Variants in DRD2 observed in about 807,000 individuals in gnomAD.
DRD2 encodes dopamine receptor D2, also known as D(2) dopamine receptor.
Under a neutral mutation model 38.0 loss-of-function variants are expected in DRD2, and 8 were observed. That is an observed-to-expected ratio of 0.21 (90% CI 0.12 to 0.38). The LOEUF is 0.38. Among genes scored for constraint, DRD2 ranks in the 10% least tolerant of loss-of-function variants. The pLI, the probability that DRD2 is intolerant of heterozygous loss-of-function variation, is 1.00. For missense variants in DRD2, 403 were observed against 607.7 expected (o/e 0.66, Z 3.54); for synonymous variants, 230 against 238.6 (o/e 0.96, Z 0.33).
intron 1 of DRD2, among the ~76,000 whole-genome samples, chr11:113,441,638 A>G (rs892896239): frequency 2.6e-5 from 4 of 152,192 alleles, no homozygotes; most frequent in Non-Finnish European, 5.9e-5. Context: ...CCGATTGAAG[A>G]AAGCAGAGGA....
intron 1 of DRD2, among the ~76,000 whole-genome samples, chr11:113,451,813 C>T (rs965360361): frequency 6.6e-6 from 1 of 152,162 alleles, no homozygotes; most frequent in Admixed American, 6.5e-5. Flanking sequence ...TGCTAGTTGT[C>T]TCATTCATGA....
intron 1 of DRD2, among the ~76,000 whole-genome samples, chr11:113,429,843 A>G (rs961248052): frequency 9.9e-5 from 15 of 152,226 alleles, no homozygotes; most frequent in Non-Finnish European, 1.8e-4. Context: ...GGCTTTCCTG[A>G]GCCCAGTTTT....
In DRD2 at chr11:113,424,351, C is replaced by A. The variant is rs1565664228; in HGVS notation, c.285+16G>T. Reference sequence around the variant, plus strand: ...CTGCTGGAGAAAGTGCTGGAGCAAGCAGGGGGCCCACCTACCTCCAGGTAG... The same window carrying A: ...CTGCTGGAGAAAGTGCTGGAGCAAGAAGGGGGCCCACCTACCTCCAGGTAG... On this transcript the variant is annotated intron_variant, in intron 2 of 7. Coordinates refer to ENST00000362072, the MANE Select transcript of DRD2 (RefSeq NM_000795.4). 9 of 1,613,442 alleles carry A rather than the reference C, an allele frequency of 5.6e-6. No homozygotes were observed. The highest frequency in any genetic ancestry group is 6.8e-6 in the Non-Finnish European group (8 of 1,179,744).
At position 113,410,369 on chromosome 11, in the gene DRD2, G is replaced by C. The variant is rs1002217166; in HGVS notation, c.*358C>G. On this transcript the variant is annotated 3_prime_UTR_variant, in exon 8 of 8. Transcript: ENST00000362072. ...CCACAAAGAGAAAACTCAGCCTCTG[G>C]GCCCTGACTCAGGCTCCAGCAACCC... 2.2e-6 allele frequency: 1 copy of C among 450,918 alleles called. No individual in the cohort carries two copies. The highest frequency in any genetic ancestry group is 3.4e-5 in the Admixed American group (1 of 29,152). 27.9% of individuals were successfully genotyped at this position (450,918 alleles called of 1,614,324 possible). A position where few individuals can be genotyped will look rare whatever the true frequency, so the allele number is the denominator to read the frequency against.
At chr11:113,426,422 C>T (rs773374183) in intron 1 of DRD2, among the ~76,000 whole-genome samples, 1 of 152,182 alleles carries the variant, frequency 6.6e-6, no homozygotes, top group Non-Finnish European at 1.5e-5. Context: ...AAAAGTCTTC[C>T]TCTTTTACAG....
intron 5 of DRD2, 62 bp downstream of exon 5, chr11:113,415,359 T>C: frequency 6.5e-7 from 1 of 1,542,152 alleles, no homozygotes; most frequent in Non-Finnish European, 8.8e-7. Flanking sequence ...GAGCATAAGA[T>C]GAGCCCTCTT....
intron 1 of DRD2, among the ~76,000 whole-genome samples, chr11:113,467,556 G>GA (rs1159065814): frequency 6.6e-6 from 1 of 152,106 alleles, no homozygotes; most frequent in South Asian, 2.1e-4. Context: ...TCTGGGAAAA[G>GA]AAAAAAAGTC....
rs1191486771 is a variant in DRD2, at chr11:113,475,143, A to C, written c.-99T>G. 6.6e-6 allele frequency: 1 copy of C among 151,074 alleles called. No homozygotes were observed. Among genetic ancestry groups the C allele is most frequent in the Non-Finnish European group, 1.5e-5 (1 of 67,428 alleles). The allele number at this position is 151,074 out of a possible 1,614,324, so 9.4% of individuals were successfully genotyped here. On this transcript the variant is annotated 5_prime_UTR_variant, in exon 1 of 8. The change abolishes an upstream ATG in the 5' untranslated region. Transcript: ENST00000362072. ...GCTTGAGGCTTCCAGCTCCCGCCGC[A>C]TCCACGCGCGGCCGCCCCTCCGGCA...
intron 1 of DRD2, among the ~76,000 whole-genome samples, chr11:113,458,198 C>T (rs1839254850): frequency 6.6e-6 from 1 of 152,240 alleles, no homozygotes. Flanking sequence ...TATATAAACA[C>T]ACACATCCCT....
intron 5 of DRD2, among the ~76,000 whole-genome samples, chr11:113,414,897 T>C (rs1423590782): frequency 6.6e-6 from 1 of 152,198 alleles, no homozygotes; most frequent in African/African-American, 2.4e-5. Context: ...CTCTTGTTCC[T>C]TCTGTGCCCA....
intron 1 of DRD2, among the ~76,000 whole-genome samples, chr11:113,426,223 G>A (rs1472881810): frequency 6.6e-6 from 1 of 152,034 alleles, no homozygotes; most frequent in Non-Finnish European, 1.5e-5. Flanking sequence ...GAGATAAGGA[G>A]TTGAGGGTAA....
chr11:113,469,450 A>C (rs1034346560), intron 1 of DRD2, among the ~76,000 whole-genome samples: 1 of 152,074 alleles, frequency 6.6e-6, no homozygotes, highest in Non-Finnish European at 1.5e-5. Flanking sequence ...TCTTTATGCC[A>C]CTTACGTATC....
At chr11:113,414,221 G>T (rs1950798984) in intron 6 of DRD2, 154 bp downstream of exon 6, 3 of 777,352 alleles carry the variant, frequency 3.9e-6, no homozygotes, top group Non-Finnish European at 4.7e-6. Context: ...CCTGCTTGGA[G>T]GTGTGCACGG....
intron 1 of DRD2, among the ~76,000 whole-genome samples, chr11:113,442,942 T>C (rs1482371753): frequency 6.6e-6 from 1 of 152,160 alleles, no homozygotes; most frequent in Admixed American, 6.5e-5. Flanking sequence ...GGAAGGCTGG[T>C]TCTGTCCCCC....
At chr11:113,464,020 G>A (rs996660367) in intron 1 of DRD2, among the ~76,000 whole-genome samples, 6 of 152,162 alleles carry the variant, frequency 3.9e-5, no homozygotes, top group African/African-American at 1.4e-4. Flanking sequence ...TGGGTGCAGA[G>A]GAACAATGGA....
chr11:113,452,281 G>A lies in DRD2; in HGVS notation c.-32+22795C>T, dbSNP rs539245794. Among the ~76,000 whole-genome samples, 9 of 152,260 alleles carry A rather than the reference G, an allele frequency of 5.9e-5. No individual in the cohort carries two copies. The East Asian group carries it at 7.7e-4, about 13-fold the overall frequency. The stretch of plus-strand genomic sequence containing the variant: ...AATGTTGTCTGACAGCCAAGGGGCC[G>A]GTGGATCCTTTATGTAAATAACTTG... On this transcript the variant is annotated intron_variant, in intron 1 of 7. Coordinates refer to ENST00000362072, the MANE Select transcript of DRD2 (RefSeq NM_000795.4).
At position 113,410,869 on chromosome 11, in the gene DRD2, A is replaced by G; in HGVS notation, c.1190T>C (p.Ile397Thr). Residue 397 changes from isoleucine (I) to threonine (T), a missense_variant, in exon 8 of 8, where the codon ATA becomes ACA. Ile to Thr is a moderately conservative substitution (Grantham distance 89, BLOSUM62 -1). Around this residue, in one of 4 missense-constraint regions of DRD2, gnomAD observed 67 missense variants for 136.1 expected, o/e 0.49. Transcript: ENST00000362072. ...LPFFITHILN[I>T]HCDCNIPPVL... Reference sequence around the variant, plus strand: ...AGGCGGGATGTTGCAGTCACAGTGTATGTTCAGGATGTGTGTGATGAAGAA... The same window carrying G: ...AGGCGGGATGTTGCAGTCACAGTGTGTGTTCAGGATGTGTGTGATGAAGAA... 6.2e-7 allele frequency: 1 copy of G among 1,613,524 alleles called. No individual in the cohort carries two copies. The highest frequency in any genetic ancestry group is 8.5e-7 in the Non-Finnish European group (1 of 1,179,470).
chr11:113,452,469 T>TGTGCGCGC (rs1210531875), intron 1 of DRD2, among the ~76,000 whole-genome samples: 23 of 118,836 alleles, frequency 1.9e-4, no homozygotes, highest in East Asian at 2.8e-4. Context: ...TGTGTGTGTG[T>TGTGCGCGC]GCGCGCGCGC....
At chr11:113,416,773 C>A in intron 4 of DRD2, 90 bp downstream of exon 4, 1 of 1,551,436 alleles carries the variant, frequency 6.4e-7, no homozygotes. Context: ...CCACCCATAT[C>A]TGTGCCAGGG....
Sources: allele counts gnomAD v4.1 joint callset (sites outside exome capture counted in the v4.1 genomes callset), GRCh38; gene constraint gnomAD v4.1.1; regional missense constraint gnomAD v4.1.1; transcripts MANE v1.5; gene names NCBI Gene and HGNC (gene_info 2026-07-23, HGNC 2026-07-21).